PAM: variants seen among roughly 807,000 people sequenced by gnomAD.
PAM encodes the protein peptidylglycine alpha-amidating monooxygenase.
Under a neutral mutation model 122.1 loss-of-function variants are expected in PAM, and 72 were observed. That is an observed-to-expected ratio of 0.59 (90% CI 0.49 to 0.72). PAM has a LOEUF of 0.72. Among genes scored for constraint, PAM ranks in the 30% least tolerant of loss-of-function variants. The probability of loss-of-function intolerance (pLI) is 0.00; values close to 1 mark genes in which losing one functional copy is unlikely to be tolerated. For missense variants in PAM, 1,106 were observed against 1,183.7 expected (o/e 0.93, Z 0.96); for synonymous variants, 389 against 404.4 (o/e 0.96, Z 0.46).
At chr5:102,817,119 T>G (rs1372262046) in intron 1 of PAM, among the ~76,000 whole-genome samples, 1 of 152,138 alleles carries the variant, frequency 6.6e-6, no homozygotes, top group East Asian at 1.9e-4. Context: ...TTCTTCCTCT[T>G]TTTCCCTCAT....
chr5:102,796,269 C>A (rs143230333), intron 1 of PAM, among the ~76,000 whole-genome samples: 1 of 152,276 alleles, frequency 6.6e-6, no homozygotes, highest in African/African-American at 2.4e-5. Flanking sequence ...CACCTGCAAT[C>A]CATGTTAGGA....
intron 3 of PAM, among the ~76,000 whole-genome samples, chr5:102,893,407 G>A (rs1433747576): frequency 2.0e-5 from 3 of 151,688 alleles, no homozygotes; most frequent in African/African-American, 7.3e-5. Flanking sequence ...AATGCTTGCT[G>A]GGGAACCAAA....
Position 102,943,451 on chromosome 5 carries a change from T to A in PAM, c.527-3386T>A, listed in dbSNP as rs182919647. Among the ~76,000 whole-genome samples the A allele has an allele frequency of 8.5e-5, 13 of 152,318 alleles. No homozygotes were observed. The East Asian group carries it at 2.3e-3, about 27-fold the overall frequency. On this transcript the variant is annotated intron_variant, in intron 7 of 25. Coordinates refer to ENST00000438793, the MANE Select transcript of PAM (RefSeq NM_001177306.2). ...TCCTACTTAAGTGGATGTCCTTAAT[T>A]AAGTACCACTGGTTACTTACCCATT...
chr5:103,029,207 T>C lies in PAM; in HGVS notation c.*142T>C, dbSNP rs1215502904. On this transcript the variant is annotated 3_prime_UTR_variant, in exon 26 of 26. Transcript: ENST00000438793. The stretch of plus-strand genomic sequence containing the variant: ...TGTACACACTTTATTTACTTCGTTT[T>C]GGTTAAGTTGGCTTCTGTTTCTAGT... 1.4e-5 allele frequency: 8 copies of C among 556,406 alleles called. No individual in the cohort carries two copies. In the Admixed American group the frequency reaches 3.2e-4, roughly 22 times the overall value. 34.5% of individuals were successfully genotyped at this position (556,406 alleles called of 1,614,324 possible).
intron 21 of PAM, among the ~76,000 whole-genome samples, chr5:103,016,784 C>T (rs1183494193): frequency 6.6e-6 from 1 of 152,158 alleles, no homozygotes; most frequent in Non-Finnish European, 1.5e-5. Context: ...CACATTGCTA[C>T]GTATCTCTTA....
intron 3 of PAM, among the ~76,000 whole-genome samples, chr5:102,883,650 A>G (rs6876089): frequency 0.017 from 2,534 of 152,074 alleles, 67 homozygotes; most frequent in African/African-American, 0.058. Flanking sequence ...CGATCATTTC[A>G]TCAGCAAACA....
At chr5:102,906,779 A>G (rs1296283272) in intron 4 of PAM, among the ~76,000 whole-genome samples, 1 of 151,812 alleles carries the variant, frequency 6.6e-6, no homozygotes, top group Admixed American at 6.6e-5. Context: ...AAAGATTGCC[A>G]TATTGGAAAT....
Position 102,909,045 on chromosome 5 carries a change from G to A in PAM, c.269-4889G>A, listed in dbSNP as rs189892509. Among the ~76,000 whole-genome samples, 417 of 151,530 alleles carry A rather than the reference G, an allele frequency of 2.8e-3. 2 individuals are homozygous for A. The highest frequency in any genetic ancestry group is 4.4e-3 in the Non-Finnish European group (295 of 67,770). ...TTTGAAGCATAATCATTATTTTTTT[G>A]GAAATAAAGAAATGTTGATAGTAAG... On this transcript the variant is annotated intron_variant, in intron 4 of 25. Transcript: ENST00000438793.
intron 21 of PAM, among the ~76,000 whole-genome samples, chr5:103,010,760 A>T (rs1582878878): frequency 6.6e-6 from 1 of 152,146 alleles, no homozygotes. Context: ...TCAATATTAT[A>T]TTTTTAATTA....
chr5:102,843,930 T>G (rs917951934), intron 1 of PAM, among the ~76,000 whole-genome samples: 1 of 152,154 alleles, frequency 6.6e-6, no homozygotes, highest in African/African-American at 2.4e-5. Context: ...TACAACAATG[T>G]TGGAAAAAAG....
At chr5:102,919,118 T>C (rs1055444773) in intron 5 of PAM, among the ~76,000 whole-genome samples, 1 of 152,146 alleles carries the variant, frequency 6.6e-6, no homozygotes, top group African/African-American at 2.4e-5. Context: ...GCTAAAGCAG[T>C]AGTGCTTTAC....
intron 23 of PAM, among the ~76,000 whole-genome samples, chr5:103,021,072 A>G (rs897394081): frequency 2.0e-5 from 3 of 152,224 alleles, no homozygotes; most frequent in African/African-American, 7.2e-5. Flanking sequence ...CAGAGCAGAA[A>G]CAATGGGCTA....
intron 3 of PAM, chr5:102,873,916 G>A (rs930392888): frequency 6.6e-6 from 1 of 151,796 alleles, no homozygotes; most frequent in Non-Finnish European, 1.5e-5. Context: ...TCTTCCTATT[G>A]AAGGAGGCAT....
intron 1 of PAM, chr5:102,808,209 T>G (rs1766769032): frequency 6.6e-6 from 1 of 152,246 alleles, no homozygotes; most frequent in African/African-American, 2.4e-5. Flanking sequence ...CAGTGTGATT[T>G]CAGACATCTG....
At position 102,877,430 on chromosome 5, in the gene PAM, A is replaced by G. The variant is rs1229183632; in HGVS notation, c.210+10037A>G. Among the ~76,000 whole-genome samples, 8 of 152,344 alleles carry G rather than the reference A, an allele frequency of 5.3e-5. No individual in the cohort carries two copies. In the East Asian group the frequency reaches 1.3e-3, roughly 26 times the overall value. On this transcript the variant is annotated intron_variant, in intron 3 of 25. Coordinates refer to ENST00000438793, the MANE Select transcript of PAM (RefSeq NM_001177306.2). ...CTGCAATCATAATTTTCTAGAGCAC[A>G]TTATGGAAACAGGTTAGAATCTACA...
At chr5:102,842,983 G>T (rs1466114463) in intron 1 of PAM, among the ~76,000 whole-genome samples, 1 of 152,168 alleles carries the variant, frequency 6.6e-6, no homozygotes, top group Non-Finnish European at 1.5e-5. Context: ...GAAAAATGTG[G>T]TTTTAAGAAG....
rs141766679 is a variant in PAM, at chr5:102,762,605, CCTT to C, written c.-374+7261_-374+7263del. ...GGAAATAAAAGTAAGCTAATAAACTCCTTCTTTCCCTGGGGAGAATTTAGAATT... is the reference window on the plus strand; with the variant it reads ...GGAAATAAAAGTAAGCTAATAAACTCCTTTCCCTGGGGAGAATTTAGAATT... On this transcript the variant is annotated intron_variant, in intron 1 of 25. Transcript: ENST00000438793. 8.1e-3 allele frequency among the ~76,000 whole-genome samples: 1,231 copies of C among 152,164 alleles called. 6 individuals carry two copies. The highest frequency in any genetic ancestry group is 0.028 in the African/African-American group (1,180 of 41,500).
chr5:102,872,431 A>G (rs189079384), intron 3 of PAM, among the ~76,000 whole-genome samples: 3 of 152,338 alleles, frequency 2.0e-5, no homozygotes, highest in East Asian at 3.9e-4. Context: ...AAATCTTCCC[A>G]CTGTGTTTCA....
At chr5:102,959,800 G>T (rs2195272) in intron 12 of PAM, 75 bp from the exon 13 acceptor site, 283,078 of 928,164 alleles carry the variant, frequency 0.3, 44,775 homozygotes, top group East Asian at 0.43. Context: ...GCAGATCTAA[G>T]GGCTTCATTT....
Sources: gnomAD v4.1 joint callset for allele counts (sites outside exome capture counted in the v4.1 genomes callset) on GRCh38, gnomAD v4.1.1 for gene constraint, MANE v1.5 for transcripts, NCBI Gene and HGNC (gene_info 2026-07-23, HGNC 2026-07-21) for gene names.